NPIPB2: variants seen among roughly 807,000 people sequenced by gnomAD.
NPIPB2 encodes the protein nuclear pore complex-interacting protein family member B2.
Under a neutral mutation model 30.8 loss-of-function variants are expected in NPIPB2, and 27 were observed. The observed-to-expected ratio is 0.88, with a 90% CI of 0.65 to 1.21. The LOEUF (loss-of-function observed/expected upper bound fraction) is 1.21. Among genes scored for constraint, NPIPB2 ranks in the 50% most tolerant of loss-of-function variants. The probability of loss-of-function intolerance (pLI) is 0.00; values close to 1 mark genes in which losing one functional copy is unlikely to be tolerated. For missense variants in NPIPB2, 440 were observed against 446.2 expected, an observed-to-expected ratio of 0.99 and a Z score of 0.13; for synonymous variants, 147 against 162.0, an observed-to-expected ratio of 0.91 and a Z score of 0.70.
intron 1 of NPIPB2, among the ~76,000 whole-genome samples, chr16:11,974,240 G>A (rs1596510690): frequency 6.6e-6 from 1 of 152,188 alleles, no homozygotes; most frequent in African/African-American, 2.4e-5. Flanking sequence ...GCTGCAGACT[G>A]GGGTTGGTGG....
chr16:11,934,769 G>C (rs866904758), intron 2 of NPIPB2, among the ~76,000 whole-genome samples: 2 of 139,978 alleles, frequency 1.4e-5, no homozygotes, highest in African/African-American at 5.3e-5. Flanking sequence ...TGAGGCAGGA[G>C]AACTGCTTGA....
At chr16:11,960,502 G>A (rs1485688489) in intron 1 of NPIPB2, among the ~76,000 whole-genome samples, 2 of 151,946 alleles carry the variant, frequency 1.3e-5, no homozygotes, top group South Asian at 2.1e-4. Flanking sequence ...GATTACAGGT[G>A]TGCGCCACCA....
chr16:11,972,925 C>T (rs929534245), intron 1 of NPIPB2, among the ~76,000 whole-genome samples: 1 of 151,712 alleles, frequency 6.6e-6, no homozygotes, highest in Non-Finnish European at 1.5e-5. Flanking sequence ...CTTTGGGAGG[C>T]CGAGGCGGGC....
chr16:11,939,189 T>G (rs926136266), intron 1 of NPIPB2, among the ~76,000 whole-genome samples: 6 of 106,210 alleles, frequency 5.6e-5, no homozygotes, highest in East Asian at 5.8e-4. Context: ...GTCATTTAAA[T>G]CTCAGCATAA....
At chr16:11,970,240 T>C (rs1212830600) in intron 1 of NPIPB2, among the ~76,000 whole-genome samples, 1 of 152,068 alleles carries the variant, frequency 6.6e-6, no homozygotes, top group Non-Finnish European at 1.5e-5. Context: ...TGAGATGAAG[T>C]CTCACTCTGT....
At chr16:11,974,496 G>A (rs935488706) in intron 1 of NPIPB2, among the ~76,000 whole-genome samples, 5 of 151,974 alleles carry the variant, frequency 3.3e-5, no homozygotes, top group African/African-American at 4.8e-5. Flanking sequence ...CTGCCTGGGC[G>A]ACAGAGTGAG....
intron 1 of NPIPB2, chr16:11,965,415 A>G: frequency 6.2e-7 from 1 of 1,614,150 alleles, no homozygotes; most frequent in Non-Finnish European, 8.5e-7. Context: ...ATGTTCTTCT[A>G]ATACTCCTCC....
intron 1 of NPIPB2, chr16:11,976,534 A>G (rs2055300167): frequency 5.7e-6 from 2 of 350,838 alleles, no homozygotes; most frequent in South Asian, 1.5e-4. Context: ...GCACTTGGGG[A>G]CAGCGACGCC....
upstream of NPIPB2, among the ~76,000 whole-genome samples, chr16:11,944,968 C>T (rs1320138623): frequency 2.0e-5 from 3 of 151,004 alleles, no homozygotes; most frequent in Admixed American, 6.6e-5. Flanking sequence ...CACCTGAGGT[C>T]GGGAGTTCAA....
At chr16:11,959,110 T>A (rs1056372861) in intron 1 of NPIPB2, among the ~76,000 whole-genome samples, 2 of 152,196 alleles carry the variant, frequency 1.3e-5, no homozygotes, top group African/African-American at 4.8e-5. Flanking sequence ...TTTGGGAGTT[T>A]CCAGCACCAC....
intron 1 of NPIPB2, chr16:11,966,428 A>C (rs1349816790): frequency 1.4e-6 from 2 of 1,385,792 alleles, no homozygotes; most frequent in African/African-American, 2.9e-5. Context: ...AGCGTTGACT[A>C]TTTCACTTCG....
chr16:11,944,460 C>T (rs1359127617), upstream of NPIPB2, among the ~76,000 whole-genome samples: 2 of 151,768 alleles, frequency 1.3e-5, no homozygotes, highest in South Asian at 2.1e-4. Context: ...AGCCACCACA[C>T]CTGGCCTTAA....
chr16:11,933,851 C>T (rs778330949), exon 3 of NPIPB2: 50 of 1,577,800 alleles, frequency 3.2e-5, no homozygotes, highest in Non-Finnish European at 4.1e-5. Flanking sequence ...GTTGGACCTC[C>T]TGGCTCTCTG....
At chr16:11,967,567 T>G in intron 1 of NPIPB2, 3 of 1,608,318 alleles carry the variant, frequency 1.9e-6, no homozygotes, top group Middle Eastern at 1.7e-4. Flanking sequence ...TCTACATAAT[T>G]AGGATCAGGT....
Position 11,933,417 on chromosome 16 carries a change from GC to G in NPIPB2, c.488+99del, listed in dbSNP as rs2054817529. On this transcript the variant is annotated intron_variant, in intron 4 of 7. Coordinates refer to ENST00000399147, the Ensembl canonical transcript of NPIPB2. The stretch of plus-strand genomic sequence containing the variant: ...ACTCAATTTTGAACCCACTGAATTT[GC>G]CACAAATATTGTAGAAAATATTCTC... The G allele has an allele frequency of 2.0e-6, 3 of 1,536,260 alleles. No homozygotes were observed. The East Asian group carries it at 6.7e-5, about 35-fold the overall frequency.
chr16:11,955,760 C>T (rs1171019607), intron 1 of NPIPB2, among the ~76,000 whole-genome samples: 1 of 126,006 alleles, frequency 7.9e-6, no homozygotes, highest in Non-Finnish European at 1.7e-5. Flanking sequence ...TTTGCCACTC[C>T]TCCTCCCACC....
chr16:11,966,053 G>A (rs1421040956), intron 1 of NPIPB2: 2 of 688,138 alleles, frequency 2.9e-6, no homozygotes, highest in Non-Finnish European at 4.3e-6. Context: ...GGAGGTTGCA[G>A]TGAGCCGAGA....
intron 1 of NPIPB2, among the ~76,000 whole-genome samples, chr16:11,938,566 G>C (rs1354403015): frequency 6.6e-6 from 1 of 151,328 alleles, no homozygotes; most frequent in African/African-American, 2.4e-5. Flanking sequence ...CCTGACCTCA[G>C]GTAATCTGCC....
intron 1 of NPIPB2, among the ~76,000 whole-genome samples, chr16:11,974,789 ATG>A (rs1322756121): frequency 1.3e-5 from 2 of 151,918 alleles, no homozygotes; most frequent in Non-Finnish European, 2.9e-5. Flanking sequence ...CTTCATAACA[ATG>A]TGCAGGGCGC....
Sources: gnomAD v4.1 joint callset for allele counts (sites outside exome capture counted in the v4.1 genomes callset) on GRCh38, gnomAD v4.1.1 for gene constraint, MANE v1.5 for transcripts, NCBI Gene and HGNC (gene_info 2026-07-23, HGNC 2026-07-21) for gene names.